Variants in RBFOX1 observed in about 807,000 individuals in gnomAD.
RBFOX1 encodes RNA binding fox-1 homolog 1.
In RBFOX1, 8 loss-of-function variants were observed where a neutral mutation model predicts 57.7. The ratio of observed to expected loss-of-function variants is 0.14; its 90% CI spans 0.08 to 0.25. RBFOX1 has a LOEUF of 0.25. RBFOX1 is among the 10% of genes least tolerant of loss of function. The probability of loss-of-function intolerance (pLI) is 1.00; values close to 1 mark genes in which losing one functional copy is unlikely to be tolerated. For synonymous variants in RBFOX1, 326 were observed against 222.4 expected (o/e 1.47, Z -4.15); for missense variants, 611 against 548.5 (o/e 1.11, Z -1.14).
chr16:5,763,926 A>G (rs1461975291), intron 3 of RBFOX1, among the ~76,000 whole-genome samples: 2 of 152,084 alleles, frequency 1.3e-5, no homozygotes, highest in African/African-American at 4.8e-5. Context: ...CCCTGGCATT[A>G]TATTATTTCT....
intron 2 of RBFOX1, among the ~76,000 whole-genome samples, chr16:6,636,406 G>A (rs9931385): frequency 0.027 from 4,108 of 152,128 alleles, 196 homozygotes; most frequent in African/African-American, 0.094. Context: ...TCCTGACTTC[G>A]TGATCAGCCC....
intron 3 of RBFOX1, among the ~76,000 whole-genome samples, chr16:6,934,544 A>T (rs916470868): frequency 6.6e-6 from 1 of 152,168 alleles, no homozygotes; most frequent in Non-Finnish European, 1.5e-5. Context: ...CTATTTGGAC[A>T]TAAAAAGAAG....
intron 2 of RBFOX1, among the ~76,000 whole-genome samples, chr16:6,600,383 G>A (rs753224413): frequency 5.3e-5 from 8 of 151,992 alleles, no homozygotes; most frequent in South Asian, 2.1e-4. Flanking sequence ...CACATGTTCC[G>A]TTACAATCAT....
intron 10 of RBFOX1, among the ~76,000 whole-genome samples, chr16:7,620,024 T>C (rs1178168508): frequency 6.6e-6 from 1 of 152,220 alleles, no homozygotes; most frequent in African/African-American, 2.4e-5. Flanking sequence ...GCAATTCATT[T>C]AATACTAAAA....
At chr16:5,841,994 C>T (rs1216643556) in intron 3 of RBFOX1, among the ~76,000 whole-genome samples, 3 of 152,220 alleles carry the variant, frequency 2.0e-5, no homozygotes, top group Non-Finnish European at 4.4e-5. Flanking sequence ...GCACACCACG[C>T]CCCATCCTCA....
At chr16:5,760,434 A>C (rs1271999480) in intron 3 of RBFOX1, among the ~76,000 whole-genome samples, 2 of 152,200 alleles carry the variant, frequency 1.3e-5, no homozygotes, top group Non-Finnish European at 2.9e-5. Context: ...AATTGTAAGT[A>C]GGTATTCAAT....
chr16:6,871,277 C>G (rs1447614789), intron 3 of RBFOX1, among the ~76,000 whole-genome samples: 5 of 152,166 alleles, frequency 3.3e-5, no homozygotes, highest in African/African-American at 7.2e-5. Context: ...CCTCCCCCTC[C>G]TGGGTTAAAG....
chr16:5,491,547 T>C (rs1310391854), intron 2 of RBFOX1, among the ~76,000 whole-genome samples: 1 of 152,244 alleles, frequency 6.6e-6, no homozygotes, highest in African/African-American at 2.4e-5. Context: ...AGAATATTTA[T>C]ACAACAGGAT....
chr16:5,326,872 C>T (rs2064589653), intron 1 of RBFOX1, among the ~76,000 whole-genome samples: 1 of 152,096 alleles, frequency 6.6e-6, no homozygotes, highest in Non-Finnish European at 1.5e-5. Flanking sequence ...AGCAGAAAGC[C>T]CAGCACGAGC....
At chr16:6,774,172 T>G (rs2078936980) in intron 3 of RBFOX1, among the ~76,000 whole-genome samples, 2 of 152,274 alleles carry the variant, frequency 1.3e-5, no homozygotes, top group East Asian at 3.9e-4. Context: ...AAAATTCCAG[T>G]GTCTCTGTAA....
At position 6,230,415 on chromosome 16, in the gene RBFOX1, T is replaced by C. The variant is rs867977095; in HGVS notation, c.-126-86580T>C. On this transcript the variant is annotated intron_variant, in intron 1 of 15. Transcript: ENST00000550418. The stretch of plus-strand genomic sequence containing the variant: ...AACTAATATGCCTCTGATCACGCTA[T>C]TATTCTGTGGAGTGCTCAGAATGGA... Among the ~76,000 whole-genome samples, 3 of 152,210 alleles carry C rather than the reference T, an allele frequency of 2.0e-5. No individual in the cohort carries two copies. The East Asian group carries it at 5.8e-4, about 29-fold the overall frequency.
chr16:7,532,657 G>C (rs1397653656), intron 5 of RBFOX1, among the ~76,000 whole-genome samples: 1 of 152,204 alleles, frequency 6.6e-6, no homozygotes, highest in Non-Finnish European at 1.5e-5. Context: ...GAAGTAGCAA[G>C]GCTAGGAGTT....
intron 1 of RBFOX1, among the ~76,000 whole-genome samples, chr16:6,061,774 G>A (rs2095689258): frequency 6.6e-6 from 1 of 152,122 alleles, no homozygotes; most frequent in Non-Finnish European, 1.5e-5. Flanking sequence ...TCTGTGACCA[G>A]ATGTGCAGGG....
intron 4 of RBFOX1, among the ~76,000 whole-genome samples, chr16:7,315,456 ACCC>A (rs34625153): frequency 8.1e-6 from 1 of 123,836 alleles, no homozygotes; most frequent in African/African-American, 2.7e-5. Flanking sequence ...ACTCTACCCT[ACCC>A]CCCCCCCCAT....
rs377256878 is a variant in RBFOX1 at position 7,648,785 on chromosome 16, T to C, written c.758-5030T>C. Among the ~76,000 whole-genome samples the C allele has an allele frequency of 8.5e-5, 13 of 152,274 alleles. 1 individual carries two copies. Among genetic ancestry groups the C allele is most frequent in the East Asian group, 1.9e-4 (1 of 5,170 alleles). Reference sequence around the variant, plus strand: ...GCTTTTCCCCTGAACAAGAAACAATTTTAAATCCTGATAGTGTGCTGCCAT... The same window carrying C: ...GCTTTTCCCCTGAACAAGAAACAATCTTAAATCCTGATAGTGTGCTGCCAT... On this transcript the variant is annotated intron_variant, in intron 11 of 15. Transcript: ENST00000550418.
intron 1 of RBFOX1, among the ~76,000 whole-genome samples, chr16:5,268,832 A>G (rs1328526837): frequency 6.6e-6 from 1 of 152,200 alleles, no homozygotes; most frequent in Non-Finnish European, 1.5e-5. Context: ...TGTTTCTCAC[A>G]GTGGCTACAC....
At chr16:6,259,493 A>ATATC (rs1330829395) in intron 1 of RBFOX1, among the ~76,000 whole-genome samples, 1 of 152,060 alleles carries the variant, frequency 6.6e-6, no homozygotes, top group African/African-American at 2.4e-5. Flanking sequence ...ACTAGGTAAA[A>ATATC]TATCTTTCTT....
At chr16:5,722,807 C>T (rs1472389162) in intron 3 of RBFOX1, among the ~76,000 whole-genome samples, 7 of 152,180 alleles carry the variant, frequency 4.6e-5, no homozygotes, top group African/African-American at 1.2e-4. Context: ...TGTTAAATGC[C>T]ACTGTTTCTG....
At chr16:7,130,145 G>C (rs540514775) in intron 4 of RBFOX1, among the ~76,000 whole-genome samples, 3 of 150,684 alleles carry the variant, frequency 2.0e-5, no homozygotes, top group Non-Finnish European at 4.4e-5. Flanking sequence ...CAATTCTCCT[G>C]CCTCAGCCTT....
Sources: gnomAD v4.1 joint callset for allele counts (sites outside exome capture counted in the v4.1 genomes callset) on GRCh38, gnomAD v4.1.1 for gene constraint, MANE v1.5 for transcripts, NCBI Gene and HGNC (gene_info 2026-07-23, HGNC 2026-07-21) for gene names.